The following ARHGAP10 variants were observed in gnomAD, a reference collection of about 807,000 sequenced individuals.
The protein encoded by ARHGAP10 is rho GTPase-activating protein 10.
In ARHGAP10, 87 loss-of-function variants were observed where a neutral mutation model predicts 108.6. That is an observed-to-expected ratio of 0.80 (90% CI 0.67 to 0.96). The LOEUF is 0.96. Among genes scored for constraint, ARHGAP10 ranks in the 40% least tolerant of loss-of-function variants. The pLI, the probability that ARHGAP10 is intolerant of heterozygous loss-of-function variation, is 0.00. For synonymous variants in ARHGAP10, 347 were observed against 341.1 expected (o/e 1.02, Z -0.19); for missense variants, 939 against 954.5 (o/e 0.98, Z 0.21).
Position 147,881,932 on chromosome 4 carries a change from G to C in ARHGAP10, c.1034G>C (p.Arg345Pro), listed in dbSNP as rs759250334. 6.2e-7 allele frequency: 1 copy of C among 1,613,474 alleles called. No homozygotes were observed. Among genetic ancestry groups the C allele is most frequent in the Non-Finnish European group, 8.5e-7 (1 of 1,179,670 alleles). The change falls in exon 10 of 23, where the codon CGG (arginine) becomes CCG (proline). Residue 345 changes from arginine to proline, a missense_variant and splice_region_variant. Physicochemically the swap from Arg to Pro is moderately radical, Grantham distance 103 (BLOSUM62 -2). Coordinates refer to ENST00000336498, the MANE Select transcript of ARHGAP10 (RefSeq NM_024605.4). ...TGTTTTGACATAGAAGCTGCTGATCGGTAAGTTATTGGAATTATTGGACAT... is the reference window on the plus strand; with the variant it reads ...TGTTTTGACATAGAAGCTGCTGATCCGTAAGTTATTGGAATTATTGGACAT... The part of the protein sequence containing the change: ...RFCFDIEAAD[R>P]PGVSLTMQAF...
intron 22 of ARHGAP10, among the ~76,000 whole-genome samples, chr4:148,064,908 A>G (rs531169148): frequency 1.7e-4 from 26 of 152,326 alleles, no homozygotes; most frequent in Non-Finnish European, 3.4e-4. Context: ...TCAACAGAGG[A>G]TACTACTGTC....
At chr4:147,898,932 T>C (rs1038134087) in intron 10 of ARHGAP10, among the ~76,000 whole-genome samples, 2 of 152,202 alleles carry the variant, frequency 1.3e-5, no homozygotes, top group Non-Finnish European at 2.9e-5. Flanking sequence ...ACCACTCCTG[T>C]GATCCATCAC....
At chr4:147,861,664 A>G (rs1371470825) in intron 5 of ARHGAP10, 1 of 152,292 alleles carries the variant, frequency 6.6e-6, no homozygotes, top group Non-Finnish European at 1.5e-5. Context: ...AGGTCGACGT[A>G]ATGAGTGTCC....
intron 13 of ARHGAP10, among the ~76,000 whole-genome samples, chr4:147,933,062 A>G (rs1000638541): frequency 6.6e-6 from 1 of 152,052 alleles, no homozygotes; most frequent in Non-Finnish European, 1.5e-5. Context: ...AAATTTCTGA[A>G]TTGATTTTCT....
At chr4:148,049,290 C>G (rs1578827056) in intron 20 of ARHGAP10, among the ~76,000 whole-genome samples, 1 of 152,228 alleles carries the variant, frequency 6.6e-6, no homozygotes, top group East Asian at 1.9e-4. Context: ...TAAGGAGTTC[C>G]CAGGTGACGA....
At chr4:147,893,597 T>C (rs1042016399) in intron 10 of ARHGAP10, among the ~76,000 whole-genome samples, 2 of 148,062 alleles carry the variant, frequency 1.4e-5, no homozygotes, top group East Asian at 3.9e-4. Flanking sequence ...TATATTTATA[T>C]AATCTATATA....
chr4:147,872,906 A>T (rs1006336242), intron 7 of ARHGAP10, among the ~76,000 whole-genome samples: 2 of 152,166 alleles, frequency 1.3e-5, no homozygotes, highest in African/African-American at 4.8e-5. Context: ...CTGTATGTAC[A>T]TCTGCTTCCT....
intron 1 of ARHGAP10, among the ~76,000 whole-genome samples, chr4:147,820,270 G>T (rs1323633958): frequency 6.6e-6 from 1 of 152,064 alleles, no homozygotes; most frequent in African/African-American, 2.4e-5. Flanking sequence ...TTTACATTAG[G>T]AACTAAGTTA....
chr4:147,931,382 A>AAT (rs1187985495), intron 13 of ARHGAP10, among the ~76,000 whole-genome samples: 3 of 152,158 alleles, frequency 2.0e-5, no homozygotes, highest in Non-Finnish European at 1.5e-5. Flanking sequence ...AAAGTTAGAC[A>AAT]ATATTGATAT....
At position 148,021,903 on chromosome 4, in the gene ARHGAP10, T is replaced by A. The variant is rs532409426; in HGVS notation, c.1717-1360T>A. On this transcript the variant is annotated intron_variant, in intron 18 of 22. Coordinates refer to ENST00000336498, the MANE Select transcript of ARHGAP10 (RefSeq NM_024605.4). ...AGTAACTTAAATCATTTTTTAAAAA[T>A]TTCATTTACACATGAGGGGGCAGTA... Among the ~76,000 whole-genome samples the A allele has an allele frequency of 2.6e-5, 4 of 152,348 alleles. No individual in the cohort carries two copies. The East Asian group carries it at 5.8e-4, about 22-fold the overall frequency.
intron 10 of ARHGAP10, among the ~76,000 whole-genome samples, chr4:147,899,462 A>G (rs184425601): frequency 7.9e-5 from 12 of 152,238 alleles, no homozygotes; most frequent in African/African-American, 2.6e-4. Context: ...TTGAAAAACA[A>G]TGGTTTCATA....
chr4:147,860,680 A>G (rs2126837667), intron 5 of ARHGAP10, among the ~76,000 whole-genome samples: 1 of 152,348 alleles, frequency 6.6e-6, no homozygotes, highest in South Asian at 2.1e-4. Flanking sequence ...TTTCTTCCCA[A>G]GTAGCCAAAT....
At chr4:147,873,671 CAAAA>C (rs1734932509) in intron 7 of ARHGAP10, among the ~76,000 whole-genome samples, 2 of 135,940 alleles carry the variant, frequency 1.5e-5, no homozygotes, top group Non-Finnish European at 3.1e-5. Context: ...TACAAAAAAA[CAAAA>C]AACAAAACAC....
Position 147,966,730 on chromosome 4 carries a change from TG to T in ARHGAP10, c.1609del (p.Val537CysfsTer6). 1 of 1,595,836 alleles carries T rather than the reference TG, an allele frequency of 6.3e-7. No homozygotes were observed. Among genetic ancestry groups the T allele is most frequent in the Non-Finnish European group, 8.6e-7 (1 of 1,167,850 alleles). On this transcript the variant is annotated frameshift_variant, in exon 18 of 23. Transcript: ENST00000336498. LOFTEE classifies it high-confidence loss of function. ...CTGATGACTGTGGCAAACTTAGGAGTGGTGTTTGGACCAACTCTGATGAGGC... is the reference window on the plus strand; with the variant it reads ...CTGATGACTGTGGCAAACTTAGGAGTGTGTTTGGACCAACTCTGATGAGGC... ...QNLMTVANLG[V>X]VFGPTLMRPQ...
chr4:147,905,331 G>C (rs1736440263), intron 10 of ARHGAP10, among the ~76,000 whole-genome samples: 1 of 147,552 alleles, frequency 6.8e-6, no homozygotes, highest in Non-Finnish European at 1.5e-5. Flanking sequence ...GAATGGTAAT[G>C]CCTAGGTTTT....
chr4:147,879,993 C>G (rs1735262548), intron 9 of ARHGAP10, among the ~76,000 whole-genome samples: 1 of 152,198 alleles, frequency 6.6e-6, no homozygotes, highest in African/African-American at 2.4e-5. Flanking sequence ...GTTCATCTTA[C>G]AAAGTTCTCA....
At chr4:147,790,524 C>T (rs1168118340) in intron 1 of ARHGAP10, among the ~76,000 whole-genome samples, 1 of 152,166 alleles carries the variant, frequency 6.6e-6, no homozygotes, top group African/African-American at 2.4e-5. Context: ...TGAAAATATT[C>T]AGAGGTGACT....
chr4:147,830,147 C>A (rs1045983684), intron 3 of ARHGAP10, among the ~76,000 whole-genome samples: 110 of 152,328 alleles, frequency 7.2e-4, no homozygotes, highest in African/African-American at 2.6e-3. Context: ...GCTTTTGAGA[C>A]CCTTTTCTTT....
intron 18 of ARHGAP10, among the ~76,000 whole-genome samples, chr4:148,018,973 C>A (rs1741457027): frequency 1.3e-5 from 2 of 152,168 alleles, no homozygotes; most frequent in Non-Finnish European, 2.9e-5. Flanking sequence ...AGCTTGCTAC[C>A]TAGTAGGTGT....
Sources: allele counts gnomAD v4.1 joint callset (sites outside exome capture counted in the v4.1 genomes callset), GRCh38; gene constraint gnomAD v4.1.1; transcripts MANE v1.5; gene names NCBI Gene and HGNC (gene_info 2026-07-23, HGNC 2026-07-21).